SLC9A9: variants seen among roughly 807,000 people sequenced by gnomAD.
SLC9A9 encodes solute carrier family 9 member A9, also known as sodium/hydrogen exchanger 9.
Under a neutral mutation model 77.8 loss-of-function variants are expected in SLC9A9, and 62 were observed. The ratio of observed to expected loss-of-function variants is 0.80; its 90% confidence interval spans 0.65 to 0.98. The LOEUF (loss-of-function observed/expected upper bound fraction) is 0.98. Among genes scored for constraint, SLC9A9 ranks in the 50% least tolerant of loss-of-function variants. The probability of loss-of-function intolerance (pLI) is 0.00; values close to 1 mark genes in which losing one functional copy is unlikely to be tolerated. For synonymous variants in SLC9A9, 320 were observed against 283.5 expected, an observed-to-expected ratio of 1.13 and a Z score of -1.29; for missense variants, 775 against 774.9, an observed-to-expected ratio of 1.00 and a Z score of 0.00.
chr3:143,751,820 A>G (rs1411193297), intron 4 of SLC9A9, among the ~76,000 whole-genome samples: 1 of 152,238 alleles, frequency 6.6e-6, no homozygotes, highest in East Asian at 1.9e-4. Context: ...AGCTGGGGGT[A>G]CAGGGAGAAG....
intron 12 of SLC9A9, among the ~76,000 whole-genome samples, chr3:143,412,868 CTTTGTAGCAGGAA>C (rs2034121268): frequency 6.6e-6 from 1 of 152,150 alleles, no homozygotes; most frequent in Non-Finnish European, 1.5e-5. Context: ...TGTGCCCAGG[CTTTGTAGCAGGAA>C]TTGACAATGG....
At chr3:143,367,159 C>A (rs1218961591) in intron 13 of SLC9A9, among the ~76,000 whole-genome samples, 2 of 152,196 alleles carry the variant, frequency 1.3e-5, no homozygotes, top group Admixed American at 6.5e-5. Flanking sequence ...TCTTGGCAAA[C>A]CTTCCAGGGA....
intron 8 of SLC9A9, among the ~76,000 whole-genome samples, chr3:143,573,771 A>C (rs2037309193): frequency 6.6e-6 from 1 of 152,070 alleles, no homozygotes; most frequent in Non-Finnish European, 1.5e-5. Context: ...ATCCTTTCAC[A>C]CTCTCAATGA....
At chr3:143,767,543 T>C (rs1560070255) in intron 4 of SLC9A9, among the ~76,000 whole-genome samples, 1 of 152,154 alleles carries the variant, frequency 6.6e-6, no homozygotes, top group East Asian at 1.9e-4. Flanking sequence ...CTCATTCTTA[T>C]ATACCTGTAG....
intron 5 of SLC9A9, among the ~76,000 whole-genome samples, chr3:143,661,996 T>C (rs1244182311): frequency 1.3e-5 from 2 of 152,200 alleles, no homozygotes; most frequent in Non-Finnish European, 2.9e-5. Flanking sequence ...AATTACAATC[T>C]CAAGGAGTGG....
At chr3:143,834,519 A>G (rs1438623737) in intron 1 of SLC9A9, among the ~76,000 whole-genome samples, 1 of 151,306 alleles carries the variant, frequency 6.6e-6, no homozygotes, top group Non-Finnish European at 1.5e-5. Context: ...TGGGGCCTAA[A>G]TGGAAAGAAT....
chr3:143,530,296 T>C (rs1225099865), intron 9 of SLC9A9, among the ~76,000 whole-genome samples: 1 of 152,172 alleles, frequency 6.6e-6, no homozygotes, highest in African/African-American at 2.4e-5. Flanking sequence ...TGAGAGATAA[T>C]TGAATCATGG....
At chr3:143,447,159 G>C (rs902098519) in intron 12 of SLC9A9, among the ~76,000 whole-genome samples, 4 of 152,126 alleles carry the variant, frequency 2.6e-5, no homozygotes, top group Non-Finnish European at 5.9e-5. Flanking sequence ...CATGCATTGG[G>C]AGCTATAAGA....
intron 4 of SLC9A9, among the ~76,000 whole-genome samples, chr3:143,731,246 A>T (rs1228055249): frequency 6.6e-6 from 1 of 152,212 alleles, no homozygotes; most frequent in Admixed American, 6.5e-5. Flanking sequence ...ATACCTAAAC[A>T]GTGTAGGAGT....
intron 6 of SLC9A9, among the ~76,000 whole-genome samples, chr3:143,616,846 A>T (rs996058737): frequency 2.6e-5 from 4 of 152,280 alleles, no homozygotes; most frequent in East Asian, 1.9e-4. Flanking sequence ...TAGATGTCTA[A>T]ATTTTACGTG....
At chr3:143,584,600 T>G (rs530649548) in intron 6 of SLC9A9, among the ~76,000 whole-genome samples, 2 of 152,316 alleles carry the variant, frequency 1.3e-5, no homozygotes, top group East Asian at 3.9e-4. Context: ...CTGCCAAATA[T>G]GTAATCCCTA....
At chr3:143,623,572 C>A (rs2038260610) in intron 6 of SLC9A9, among the ~76,000 whole-genome samples, 1 of 151,994 alleles carries the variant, frequency 6.6e-6, no homozygotes. Flanking sequence ...CCAACGAGAA[C>A]AAAGACACAA....
At chr3:143,562,235 T>A (rs545349971) in intron 8 of SLC9A9, among the ~76,000 whole-genome samples, 4 of 152,230 alleles carry the variant, frequency 2.6e-5, no homozygotes, top group Admixed American at 2.6e-4. Flanking sequence ...GAATAGTGGG[T>A]GATAACAAAG....
At chr3:143,459,340 T>A (rs1025251509) in intron 12 of SLC9A9, among the ~76,000 whole-genome samples, 1 of 152,186 alleles carries the variant, frequency 6.6e-6, no homozygotes, top group African/African-American at 2.4e-5. Context: ...GGATACTATG[T>A]TAGATAACTC....
intron 11 of SLC9A9, among the ~76,000 whole-genome samples, chr3:143,488,352 C>T (rs2035685215): frequency 6.6e-6 from 1 of 151,894 alleles, no homozygotes; most frequent in Non-Finnish European, 1.5e-5. Flanking sequence ...CAACCCTTCA[C>T]AAACTTTTCC....
intron 14 of SLC9A9, among the ~76,000 whole-genome samples, chr3:143,290,140 G>A (rs984951503): frequency 6.6e-6 from 1 of 152,126 alleles, no homozygotes; most frequent in Admixed American, 6.5e-5. Context: ...TAACTCAGGG[G>A]GAGGAGGGAA....
At chr3:143,688,426 C>A (rs1933350253) in intron 5 of SLC9A9, among the ~76,000 whole-genome samples, 1 of 152,088 alleles carries the variant, frequency 6.6e-6, no homozygotes, top group African/African-American at 2.4e-5. Context: ...CCAGGGAATG[C>A]TGGTTGCAGT....
In SLC9A9 at chr3:143,846,655, A is replaced by T. The variant is rs1481080672; in HGVS notation, c.175+1493T>A. ...GATCTCTTTAGGCCAGGAGTTGGAGACCAGCCTGGGCAACATAGTGAGACC... is the reference window on the plus strand; with the variant it reads ...GATCTCTTTAGGCCAGGAGTTGGAGTCCAGCCTGGGCAACATAGTGAGACC... On this transcript the variant is annotated intron_variant, in intron 1 of 15. Coordinates refer to ENST00000316549, the MANE Select transcript of SLC9A9 (RefSeq NM_173653.4). Among the ~76,000 whole-genome samples, 8 of 152,026 alleles carry T rather than the reference A, an allele frequency of 5.3e-5. No homozygotes were observed. In the East Asian group the frequency reaches 1.5e-3, roughly 29 times the overall value.
chr3:143,633,889 G>A (rs948237526), intron 6 of SLC9A9, among the ~76,000 whole-genome samples: 8 of 152,088 alleles, frequency 5.3e-5, no homozygotes, highest in Admixed American at 3.3e-4. Context: ...TAGGAATGAC[G>A]TGAATTAGGC....
Sources: allele counts gnomAD v4.1 joint callset (sites outside exome capture counted in the v4.1 genomes callset), GRCh38; gene constraint gnomAD v4.1.1; transcripts MANE v1.5; gene names NCBI Gene and HGNC (gene_info 2026-07-23, HGNC 2026-07-21).